Variants in MAP2K5 observed in about 807,000 individuals in gnomAD.
The protein encoded by MAP2K5 is dual specificity mitogen-activated protein kinase kinase 5.
In MAP2K5, 49 loss-of-function variants were observed where a neutral mutation model predicts 83.1. The ratio of observed to expected loss-of-function variants is 0.59; its 90% CI spans 0.47 to 0.75. The LOEUF is 0.75. Among genes scored for constraint, MAP2K5 ranks in the 30% least tolerant of loss-of-function variants. The pLI is 0.00. For synonymous variants in MAP2K5, 202 were observed against 191.8 expected (o/e 1.05, Z -0.44); for missense variants, 457 against 557.5 (o/e 0.82, Z 1.82).
At chr15:67,743,335 A>G (rs900484215) in intron 17 of MAP2K5, among the ~76,000 whole-genome samples, 2 of 152,208 alleles carry the variant, frequency 1.3e-5, no homozygotes, top group African/African-American at 4.8e-5. Flanking sequence ...AAATATACTA[A>G]TAGACCCACA....
intron 3 of MAP2K5, among the ~76,000 whole-genome samples, chr15:67,568,869 G>A (rs1357920151): frequency 6.6e-6 from 1 of 151,822 alleles, no homozygotes; most frequent in Non-Finnish European, 1.5e-5. Flanking sequence ...AGCCGGGCGT[G>A]GTGGCATGCG....
intron 8 of MAP2K5, among the ~76,000 whole-genome samples, chr15:67,609,994 T>C (rs1269800411): frequency 6.6e-6 from 1 of 152,108 alleles, no homozygotes; most frequent in Non-Finnish European, 1.5e-5. Flanking sequence ...GCTAAGAAGG[T>C]ATGTTACCCT....
chr15:67,703,754 A>G (rs1658028602), intron 16 of MAP2K5, among the ~76,000 whole-genome samples: 1 of 152,230 alleles, frequency 6.6e-6, no homozygotes, highest in South Asian at 2.1e-4. Context: ...CTAAATCTGG[A>G]GAACCCGTGA....
At chr15:67,728,118 A>T (rs1165299206) in intron 17 of MAP2K5, among the ~76,000 whole-genome samples, 173 bp downstream of exon 17, 1 of 152,166 alleles carries the variant, frequency 6.6e-6, no homozygotes, top group African/African-American at 2.4e-5. Flanking sequence ...TGATTTTTTT[A>T]AACTCCTGAT....
intron 4 of MAP2K5, among the ~76,000 whole-genome samples, chr15:67,583,485 T>C (rs181894808): frequency 1.6e-4 from 24 of 152,216 alleles, no homozygotes; most frequent in East Asian, 9.6e-4. Context: ...TTTTTTAATA[T>C]GCTATGGTGT....
chr15:67,797,251 T>C (rs1944128148), intron 21 of MAP2K5, among the ~76,000 whole-genome samples: 2 of 152,252 alleles, frequency 1.3e-5, no homozygotes, highest in Admixed American at 1.3e-4. Flanking sequence ...GCTTTATATA[T>C]AGTTACTGCT....
At position 67,543,024 on chromosome 15, in the gene MAP2K5, C is replaced by T. The variant is rs1321839233; in HGVS notation, c.-312C>T. The T allele has an allele frequency of 5.1e-6, 2 of 392,296 alleles. No homozygotes were observed. Among genetic ancestry groups the T allele is most frequent in the Non-Finnish European group, 4.8e-6 (1 of 209,650 alleles). 24.3% of individuals were successfully genotyped at this position (392,296 alleles called of 1,614,324 possible). A position where few individuals can be genotyped will look rare whatever the true frequency, so the allele number is the denominator to read the frequency against. On this transcript the variant is annotated 5_prime_UTR_variant, in exon 1 of 22. Transcript: ENST00000178640. The surrounding 1 kb of genome is among the most constrained non-coding windows in gnomAD (Gnocchi z 4.3). ...CTGCCTCCTCATACCCACACGGCGG[C>T]AGAGACCTTCACCATAGCGTTCGCT...
In MAP2K5 at chr15:67,640,806, A is replaced by G. The variant is rs535395237; in HGVS notation, c.586-5425A>G. Among the ~76,000 whole-genome samples, 191 of 152,350 alleles carry G rather than the reference A, an allele frequency of 1.3e-3. 2 individuals are homozygous for G. Among genetic ancestry groups the G allele is most frequent in the African/African-American group, 4.3e-3 (180 of 41,586 alleles). On this transcript the variant is annotated intron_variant, in intron 9 of 21. Transcript: ENST00000178640. This position sits in a 1 kb window ranked among gnomAD's most constrained non-coding sequence, Gnocchi z 4.6. ...TTCTGAGGTAGGAATATATTACAAG[A>G]TATTTTTAAAAGAAGTTGAATTTTG...
chr15:67,680,531 G>GT (rs1389160182), intron 13 of MAP2K5, among the ~76,000 whole-genome samples: 11 of 152,172 alleles, frequency 7.2e-5, no homozygotes, highest in Admixed American at 3.3e-4. Context: ...ATAGCTTTAT[G>GT]TTTAAGTTTT....
chr15:67,756,798 G>GTGT (rs2089847760), intron 19 of MAP2K5, among the ~76,000 whole-genome samples: 1 of 151,978 alleles, frequency 6.6e-6, no homozygotes, highest in Non-Finnish European at 1.5e-5. Flanking sequence ...TTGTGTTTCT[G>GTGT]TGTCTGACTT....
chr15:67,713,375 A>G (rs2088744047), intron 16 of MAP2K5, among the ~76,000 whole-genome samples: 1 of 152,224 alleles, frequency 6.6e-6, no homozygotes, highest in African/African-American at 2.4e-5. Flanking sequence ...ATGAATTGTG[A>G]TCTTCTATAC....
At chr15:67,548,810 G>A (rs1332121000) in intron 1 of MAP2K5, among the ~76,000 whole-genome samples, 3 of 151,814 alleles carry the variant, frequency 2.0e-5, no homozygotes, top group Admixed American at 6.6e-5. Flanking sequence ...TGTTTCATTT[G>A]TGAGGACTAG....
chr15:67,680,324 G>C (rs2087788353), intron 13 of MAP2K5, among the ~76,000 whole-genome samples: 1 of 152,072 alleles, frequency 6.6e-6, no homozygotes, highest in East Asian at 1.9e-4. Flanking sequence ...CATTTCTCTT[G>C]AGTAAATACC....
rs544532728 is a variant in MAP2K5, at chr15:67,636,365, G to A, written c.585+5438G>A. Reference sequence around the variant, plus strand: ...GGAGCTTGCAGTGAGCCAAGATTGCGCCACTGCACTCCAGCCTGGGCAACA... The same window carrying A: ...GGAGCTTGCAGTGAGCCAAGATTGCACCACTGCACTCCAGCCTGGGCAACA... On this transcript the variant is annotated intron_variant, in intron 9 of 21. Coordinates refer to ENST00000178640, the MANE Select transcript of MAP2K5 (RefSeq NM_145160.3). The surrounding 1 kb of genome is among the most constrained non-coding windows in gnomAD (Gnocchi z 4.7). 2.2e-4 allele frequency among the ~76,000 whole-genome samples: 33 copies of A among 150,282 alleles called. No individual in the cohort carries two copies. In the East Asian group the frequency reaches 3.9e-3, roughly 18 times the overall value.
chr15:67,762,969 G>A (rs1199735192), intron 19 of MAP2K5, among the ~76,000 whole-genome samples: 2 of 152,172 alleles, frequency 1.3e-5, no homozygotes, highest in Non-Finnish European at 2.9e-5. Context: ...ACACCAAAAT[G>A]CCCACACATG....
At chr15:67,703,140 ATCTATATATAATT>A in intron 15 of MAP2K5, among the ~76,000 whole-genome samples, 184 bp from the exon 16 acceptor site, 1 of 152,336 alleles carries the variant, frequency 6.6e-6, no homozygotes, top group South Asian at 2.1e-4. Flanking sequence ...GTAAGAATAT[ATCTATATATAATT>A]TCTATAGATC....
At chr15:67,703,906 C>G (rs1375361965) in intron 16 of MAP2K5, among the ~76,000 whole-genome samples, 1 of 152,044 alleles carries the variant, frequency 6.6e-6, no homozygotes, top group African/African-American at 2.4e-5. Flanking sequence ...AAAAAAATCA[C>G]CTCATTCCAG....
At chr15:67,626,004 C>T (rs971940957) in intron 8 of MAP2K5, among the ~76,000 whole-genome samples, 4 of 152,014 alleles carry the variant, frequency 2.6e-5, no homozygotes, top group African/African-American at 7.3e-5. Context: ...GTTGCTTATT[C>T]GAAGTAACAA....
intron 4 of MAP2K5, among the ~76,000 whole-genome samples, chr15:67,581,149 T>C (rs750335992): frequency 1.3e-5 from 2 of 152,180 alleles, no homozygotes; most frequent in African/African-American, 4.8e-5. Context: ...TATTTATAAA[T>C]TGTGGCTCAT....
Sources: allele counts gnomAD v4.1 joint callset (sites outside exome capture counted in the v4.1 genomes callset), GRCh38; gene constraint gnomAD v4.1.1; non-coding constraint Gnocchi (gnomAD v3.1); transcripts MANE v1.5; gene names NCBI Gene and HGNC (gene_info 2026-07-23, HGNC 2026-07-21).